ST6GALNAC3: variants seen among roughly 807,000 people sequenced by gnomAD.
ST6GALNAC3 encodes ST6 N-acetylgalactosaminide alpha-2,6-sialyltransferase 3, also known as alpha-N-acetylgalactosaminide alpha-2,6-sialyltransferase 3.
Under a neutral mutation model 32.7 loss-of-function variants are expected in ST6GALNAC3, and 25 were observed. The observed-to-expected ratio is 0.76, with a 90% CI of 0.56 to 1.07. The LOEUF (loss-of-function observed/expected upper bound fraction) is 1.07, where lower values mean the gene tolerates loss of function less well. Ranked by LOEUF, ST6GALNAC3 falls within the 50% of genes least tolerant of loss-of-function variation. ST6GALNAC3 has a pLI of 0.00. For missense variants in ST6GALNAC3, 355 were observed against 382.4 expected, an observed-to-expected ratio of 0.93 and a Z score of 0.60; for synonymous variants, 129 against 133.1, an observed-to-expected ratio of 0.97 and a Z score of 0.21.
chr1:76,340,712 T>A (rs953664028), intron 2 of ST6GALNAC3, among the ~76,000 whole-genome samples: 3 of 152,078 alleles, frequency 2.0e-5, no homozygotes, highest in Non-Finnish European at 4.4e-5. Context: ...ATGTTGCACA[T>A]CTTTGTGTTT....
intron 3 of ST6GALNAC3, among the ~76,000 whole-genome samples, chr1:76,461,106 C>T (rs1386506022): frequency 6.6e-6 from 1 of 152,128 alleles, no homozygotes; most frequent in Non-Finnish European, 1.5e-5. Context: ...AAATGGAATC[C>T]TGGGAGTGCA....
intron 3 of ST6GALNAC3, among the ~76,000 whole-genome samples, chr1:76,463,721 C>G (rs184418281): frequency 6.6e-6 from 1 of 152,104 alleles, no homozygotes; most frequent in Non-Finnish European, 1.5e-5. Flanking sequence ...CTTGGGTCTA[C>G]GGGTAGACTG....
intron 1 of ST6GALNAC3, among the ~76,000 whole-genome samples, chr1:76,177,983 A>C (rs2100448810): frequency 6.6e-6 from 1 of 152,360 alleles, no homozygotes; most frequent in African/African-American, 2.4e-5. Context: ...GATTTTGCAG[A>C]GAAGGTCTGC....
chr1:76,482,047 G>T (rs1659756965), intron 3 of ST6GALNAC3, among the ~76,000 whole-genome samples: 1 of 151,806 alleles, frequency 6.6e-6, no homozygotes, highest in African/African-American at 2.4e-5. Flanking sequence ...CACTGAAAAA[G>T]GCACACAGAA....
intron 1 of ST6GALNAC3, among the ~76,000 whole-genome samples, chr1:76,152,066 T>G (rs1651078279): frequency 6.6e-6 from 1 of 152,234 alleles, no homozygotes; most frequent in African/African-American, 2.4e-5. Context: ...CATGGGCTCT[T>G]TAGTCTTTCT....
intron 1 of ST6GALNAC3, among the ~76,000 whole-genome samples, chr1:76,184,555 A>ACACT (rs1653422319): frequency 6.7e-6 from 1 of 148,578 alleles, no homozygotes. Flanking sequence ...ACACACACAC[A>ACACT]CACACACGAA....
At chr1:76,472,261 T>C (rs993897795) in intron 3 of ST6GALNAC3, among the ~76,000 whole-genome samples, 5 of 152,190 alleles carry the variant, frequency 3.3e-5, no homozygotes, top group African/African-American at 1.2e-4. Context: ...GTTGTCTTTC[T>C]ATTCTGAACA....
Position 76,474,018 on chromosome 1 carries a change from A to G in ST6GALNAC3, c.623+61601A>G, listed in dbSNP as rs373122881. On this transcript the variant is annotated intron_variant, in intron 3 of 4. Transcript: ENST00000328299. Reference sequence around the variant, plus strand: ...TAGACAGAGACCCAGGGGATGAAAAACCATAGAAAGAGATAGGGTGAGACA... The same window carrying G: ...TAGACAGAGACCCAGGGGATGAAAAGCCATAGAAAGAGATAGGGTGAGACA... Among the ~76,000 whole-genome samples the G allele has an allele frequency of 5.9e-5, 9 of 152,252 alleles. No individual in the cohort carries two copies. In the East Asian group the frequency reaches 1.7e-3, roughly 29 times the overall value.
intron 1 of ST6GALNAC3, among the ~76,000 whole-genome samples, chr1:76,235,894 G>A (rs566826400): frequency 5.3e-5 from 8 of 151,300 alleles, no homozygotes; most frequent in South Asian, 2.1e-4. Context: ...CCTGTGTCCC[G>A]TTTCCCCTTT....
At chr1:76,291,193 T>C (rs566633561) in intron 1 of ST6GALNAC3, among the ~76,000 whole-genome samples, 1 of 152,256 alleles carries the variant, frequency 6.6e-6, no homozygotes, top group Non-Finnish European at 1.5e-5. Context: ...AAGCTTCTTT[T>C]TGATGAGCCT....
chr1:76,211,156 A>G (rs1408646920), intron 1 of ST6GALNAC3, among the ~76,000 whole-genome samples: 1 of 152,228 alleles, frequency 6.6e-6, no homozygotes. Context: ...AAAAGAAGAC[A>G]TTTATGCAGC....
intron 1 of ST6GALNAC3, among the ~76,000 whole-genome samples, chr1:76,209,769 T>C (rs889858611): frequency 1.3e-5 from 2 of 152,218 alleles, no homozygotes; most frequent in Non-Finnish European, 2.9e-5. Flanking sequence ...TATTCTTTAC[T>C]CAGTAGGGGA....
chr1:76,631,080 T>C lies in ST6GALNAC3; in HGVS notation c.*2274T>C. 7 of 958,924 alleles carry C rather than the reference T, an allele frequency of 7.3e-6. No homozygotes were observed. The highest frequency in any genetic ancestry group is 8.7e-6 in the Non-Finnish European group (7 of 805,844). The allele number at this position is 958,924 out of a possible 1,614,324, so 59.4% of individuals were successfully genotyped here. The stretch of plus-strand genomic sequence containing the variant: ...GCTCTCCTGCCTCGTTGTAGCTTTC[T>C]CTGATGAAGACTTCTGCAGTATATT... On this transcript the variant is annotated 3_prime_UTR_variant, in exon 5 of 5. Transcript: ENST00000328299.
chr1:76,323,375 C>G (rs11162122), intron 2 of ST6GALNAC3, among the ~76,000 whole-genome samples: 1 of 152,182 alleles, frequency 6.6e-6, no homozygotes, highest in East Asian at 1.9e-4. Context: ...TTAGCTCTTA[C>G]AGAGTACATA....
At chr1:76,147,689 C>G (rs1034415367) in intron 1 of ST6GALNAC3, among the ~76,000 whole-genome samples, 3 of 152,228 alleles carry the variant, frequency 2.0e-5, no homozygotes, top group Non-Finnish European at 4.4e-5. Context: ...GCACCTACAA[C>G]AGTGTCCAGC....
intron 3 of ST6GALNAC3, among the ~76,000 whole-genome samples, chr1:76,537,055 G>T (rs994886324): frequency 7.9e-5 from 12 of 152,114 alleles, no homozygotes; most frequent in African/African-American, 2.9e-4. Context: ...GTGCCACATG[G>T]CACTTATTCT....
At position 76,623,804 on chromosome 1, in the gene ST6GALNAC3, C is replaced by T. The variant is rs76751333; in HGVS notation, c.624-3648C>T. Among the ~76,000 whole-genome samples, 34 of 152,012 alleles carry T rather than the reference C, an allele frequency of 2.2e-4. 1 individual carries two copies. In the East Asian group the frequency reaches 5.8e-3, roughly 26 times the overall value. The stretch of plus-strand genomic sequence containing the variant: ...TAATTTCTCATTTCCAGTATGCTCA[C>T]ACAGCAACTCGGTAGAGTTTGGAAA... On this transcript the variant is annotated intron_variant, in intron 3 of 4. Transcript: ENST00000328299.
intron 3 of ST6GALNAC3, among the ~76,000 whole-genome samples, chr1:76,454,170 C>A (rs1244411058): frequency 1.3e-5 from 2 of 152,020 alleles, no homozygotes; most frequent in Non-Finnish European, 2.9e-5. Flanking sequence ...TTAGAAGAGT[C>A]CTTATGTGTC....
chr1:76,403,930 G>A (rs1029979674), intron 2 of ST6GALNAC3, among the ~76,000 whole-genome samples: 1 of 139,254 alleles, frequency 7.2e-6, no homozygotes, highest in Non-Finnish European at 1.6e-5. Flanking sequence ...GAGAAAACGT[G>A]TTTTTTGCCT....
Sources: allele counts gnomAD v4.1 joint callset (sites outside exome capture counted in the v4.1 genomes callset), GRCh38; gene constraint gnomAD v4.1.1; transcripts MANE v1.5; gene names NCBI Gene and HGNC (gene_info 2026-07-23, HGNC 2026-07-21).